The following IL12RB2 variants were observed in gnomAD, a reference collection of about 807,000 sequenced individuals.
IL12RB2 encodes interleukin 12 receptor subunit beta 2, also known as interleukin-12 receptor subunit beta-2.
Under a neutral mutation model 89.4 loss-of-function variants are expected in IL12RB2, and 82 were observed. The observed-to-expected ratio is 0.92, with a 90% CI of 0.77 to 1.10. The LOEUF (loss-of-function observed/expected upper bound fraction) is 1.10, where lower values mean the gene tolerates loss of function less well. Among genes scored for constraint, IL12RB2 ranks in the 50% least tolerant of loss-of-function variants. The pLI is 0.00. For synonymous variants in IL12RB2, 368 were observed against 370.1 expected, an observed-to-expected ratio of 0.99 and a Z score of 0.07; for missense variants, 963 against 1,031.9, an observed-to-expected ratio of 0.93 and a Z score of 0.92.
rs761763122 is a variant in IL12RB2 at position 67,395,611 on chromosome 1, C to G, written c.2111C>G (p.Pro704Arg). Residue 704 changes from proline (P) to arginine (R), a missense_variant, in exon 17 of 17, where the codon CCG becomes CGG. Physicochemically the swap from Pro to Arg is moderately radical, Grantham distance 103. Coordinates refer to ENST00000674203, the MANE Select transcript of IL12RB2 (RefSeq NM_001374259.2). Reference protein sequence around the residue: ...IDWPTPEDPEPLVISEVLHQV... With the variant: ...IDWPTPEDPERLVISEVLHQV... ...TGGCCCACGCCTGAAGATCCTGAAC[C>G]GCTGGTCATCAGTGAAGTCCTTCAT... 1 of 1,614,206 alleles carries G rather than the reference C, an allele frequency of 6.2e-7. No homozygotes were observed. Among genetic ancestry groups the G allele is most frequent in the African/African-American group, 1.3e-5 (1 of 75,046 alleles).
Position 67,329,716 on chromosome 1 carries a change from G to A in IL12RB2, c.794G>A (p.Arg265Lys), listed in dbSNP as rs760069194. The A allele has an allele frequency of 4.4e-6, 7 of 1,607,904 alleles. No individual in the cohort carries two copies. The highest frequency in any genetic ancestry group is 6.0e-6 in the Non-Finnish European group (7 of 1,174,354). ...NRLRYRPSNS[R>K]LWNMVNVTKA... Reference sequence around the variant, plus strand: ...CTCAGATATCGGCCCAGTAACAGCAGGCTCTGGAATATGGTAATTATCTTT... The same window carrying A: ...CTCAGATATCGGCCCAGTAACAGCAAGCTCTGGAATATGGTAATTATCTTT... The change falls in exon 7 of 17, where the codon AGG becomes AAG. Residue 265 changes from arginine to lysine, a missense_variant. Transcript: ENST00000674203.
intron 16 of IL12RB2, among the ~76,000 whole-genome samples, chr1:67,394,118 G>A (rs1391851925): frequency 6.6e-6 from 1 of 152,140 alleles, no homozygotes. Flanking sequence ...AGTGTGTGGG[G>A]CACTGAGAGA....
At position 67,397,516 on chromosome 1, in the gene IL12RB2, T is replaced by C. The variant is rs1259805339; in HGVS notation, c.*1427T>C. On this transcript the variant is annotated 3_prime_UTR_variant, in exon 17 of 17. Coordinates refer to ENST00000674203, the MANE Select transcript of IL12RB2 (RefSeq NM_001374259.2). ...TGAGCTGGTCCTCTGCCAGCTCAAG[T>C]TGAGCCTGGAAGATAACTCTCTTTT... 6.6e-6 allele frequency among the ~76,000 whole-genome samples: 1 copy of C among 152,226 alleles called. No individual in the cohort carries two copies. Among genetic ancestry groups the C allele is most frequent in the Non-Finnish European group, 1.5e-5 (1 of 68,040 alleles).
At chr1:67,333,711 A>G (rs537359489) in intron 8 of IL12RB2, among the ~76,000 whole-genome samples, 1 of 152,310 alleles carries the variant, frequency 6.6e-6, no homozygotes, top group South Asian at 2.1e-4. Context: ...CAGGCCTGAT[A>G]GTGACACTGG....
intron 9 of IL12RB2, among the ~76,000 whole-genome samples, chr1:67,349,946 G>T (rs566734827): frequency 6.6e-6 from 1 of 152,342 alleles, no homozygotes; most frequent in African/African-American, 2.4e-5. Context: ...AATCGACAGA[G>T]GAAACCAAAT....
chr1:67,309,149 A>G (rs766555399), intron 1 of IL12RB2, among the ~76,000 whole-genome samples: 11 of 152,032 alleles, frequency 7.2e-5, no homozygotes, highest in African/African-American at 2.2e-4. Flanking sequence ...AATTGTTATA[A>G]TCTGCTATGT....
At chr1:67,338,871 A>T in intron 9 of IL12RB2, 168 bp downstream of exon 9, 1 of 641,064 alleles carries the variant, frequency 1.6e-6, no homozygotes, top group Non-Finnish European at 2.9e-6. Flanking sequence ...TAGGGGTGAG[A>T]GCTGAGTTCC....
intron 16 of IL12RB2, 152 bp from the exon 17 acceptor site, chr1:67,395,395 T>A: frequency 6.9e-7 from 1 of 1,452,892 alleles, no homozygotes; most frequent in South Asian, 1.3e-5. Context: ...ATGTTAACTG[T>A]TTCTCTTACC....
At chr1:67,334,154 T>C (rs775428180) in intron 8 of IL12RB2, among the ~76,000 whole-genome samples, 3 of 152,176 alleles carry the variant, frequency 2.0e-5, no homozygotes, top group African/African-American at 7.2e-5. Context: ...AGCTAGGAAA[T>C]TCATGCACTC....
At chr1:67,349,396 AG>A (rs1660582082) in intron 9 of IL12RB2, among the ~76,000 whole-genome samples, 1 of 152,152 alleles carries the variant, frequency 6.6e-6, no homozygotes, top group African/African-American at 2.4e-5. Context: ...GAGATAGCTG[AG>A]GGGATGGTCT....
At chr1:67,363,897 A>G (rs1662392546) in intron 10 of IL12RB2, among the ~76,000 whole-genome samples, 2 of 152,240 alleles carry the variant, frequency 1.3e-5, no homozygotes, top group Admixed American at 1.3e-4. Context: ...AAATGGCAGA[A>G]AAAGAATGAC....
At chr1:67,380,857 T>C (rs564781407) in intron 14 of IL12RB2, among the ~76,000 whole-genome samples, 1 of 152,320 alleles carries the variant, frequency 6.6e-6, no homozygotes, top group Admixed American at 6.5e-5. Flanking sequence ...TGTCTCCTTC[T>C]TATAAGGACA....
Position 67,372,688 on chromosome 1 carries a change from G to C in IL12RB2, c.1622G>C (p.Trp541Ser), listed in dbSNP as rs1376111138. Reference sequence around the variant, plus strand: ...GAAAAGGGGAGCATTTTAATTTCATGGAACAGCATTCCAGTCCAGGAGCAA... The same window carrying C: ...GAAAAGGGGAGCATTTTAATTTCATCGAACAGCATTCCAGTCCAGGAGCAA... ...TEEKGSILIS[W>S]NSIPVQEQMG... The change falls in exon 13 of 17, where the codon TGG (tryptophan) becomes TCG (serine). Residue 541 changes from tryptophan (W) to serine (S), a missense_variant. By Grantham distance (177) the Trp-to-Ser change is radical. Transcript: ENST00000674203. 1 of 1,610,862 alleles carries C rather than the reference G, an allele frequency of 6.2e-7. No homozygotes were observed. The highest frequency in any genetic ancestry group is 1.3e-5 in the African/African-American group (1 of 74,834).
At chr1:67,332,715 T>A (rs1658258604) in intron 8 of IL12RB2, among the ~76,000 whole-genome samples, 1 of 152,184 alleles carries the variant, frequency 6.6e-6, no homozygotes, top group Non-Finnish European at 1.5e-5. Context: ...GTGGTACAGA[T>A]AAAACTTCTG....
At chr1:67,317,587 C>T (rs1655939604) in intron 2 of IL12RB2, among the ~76,000 whole-genome samples, 1 of 152,184 alleles carries the variant, frequency 6.6e-6, no homozygotes, top group Non-Finnish European at 1.5e-5. Context: ...ATCTCAAGGT[C>T]CTTAACTTTA....
intron 3 of IL12RB2, among the ~76,000 whole-genome samples, 154 bp downstream of exon 3, chr1:67,320,598 T>G (rs1173768971): frequency 6.6e-6 from 1 of 152,236 alleles, no homozygotes; most frequent in Non-Finnish European, 1.5e-5. Context: ...TGTCTATAAC[T>G]AATAGTTATT....
chr1:67,322,093 C>T (rs1656621521), intron 4 of IL12RB2, among the ~76,000 whole-genome samples: 1 of 152,108 alleles, frequency 6.6e-6, no homozygotes, highest in South Asian at 2.1e-4. Context: ...CTCTCTCTCT[C>T]TCTCTCTCGC....
intron 10 of IL12RB2, 64 bp from the exon 11 acceptor site, chr1:67,367,761 T>C: frequency 2.1e-6 from 2 of 949,254 alleles, no homozygotes; most frequent in Non-Finnish European, 3.5e-6. Flanking sequence ...TGGCTTTTTT[T>C]GTTGTTTAAA....
intron 16 of IL12RB2, among the ~76,000 whole-genome samples, chr1:67,391,845 G>A (rs571343829): frequency 6.6e-6 from 1 of 151,970 alleles, no homozygotes; most frequent in African/African-American, 2.4e-5. Context: ...AGGTTTCACT[G>A]TGTTAGCCAG....
Sources: gnomAD v4.1 joint callset for allele counts (sites outside exome capture counted in the v4.1 genomes callset) on GRCh38, gnomAD v4.1.1 for gene constraint, MANE v1.5 for transcripts, NCBI Gene and HGNC (gene_info 2026-07-23, HGNC 2026-07-21) for gene names.